HDAC9: variants seen among roughly 807,000 people sequenced by gnomAD.
HDAC9 encodes the protein histone deacetylase 9, also known as MEF-2 interacting transcription repressor (MITR) protein.
In HDAC9, 41 loss-of-function variants were observed where a neutral mutation model predicts 139.4. The observed-to-expected ratio is 0.29, with a 90% CI of 0.23 to 0.38. The LOEUF (loss-of-function observed/expected upper bound fraction) is 0.38, where lower values mean the gene tolerates loss of function less well. Ranked by LOEUF, HDAC9 falls within the 10% of genes least tolerant of loss-of-function variation. The pLI, the probability that HDAC9 is intolerant of heterozygous loss-of-function variation, is 1.00. For synonymous variants in HDAC9, 517 were observed against 476.2 expected, an observed-to-expected ratio of 1.09 and a Z score of -1.12; for missense variants, 1,147 against 1,297.0, an observed-to-expected ratio of 0.88 and a Z score of 1.78.
chr7:18,852,512 A>G (rs1434627308), intron 21 of HDAC9, among the ~76,000 whole-genome samples: 1 of 151,810 alleles, frequency 6.6e-6, no homozygotes, highest in Non-Finnish European at 1.5e-5. Context: ...GCAAAAATTC[A>G]AAAATAGGTA....
chr7:18,609,072 A>G (rs1358285157), intron 6 of HDAC9, among the ~76,000 whole-genome samples: 2 of 152,184 alleles, frequency 1.3e-5, no homozygotes, highest in Middle Eastern at 3.2e-3. Context: ...TAATGTCATT[A>G]TATATATTTT....
rs1331580156 is a variant in HDAC9, at chr7:18,962,866, T to A, written c.3022+8636T>A. Among the ~76,000 whole-genome samples, 3 of 152,308 alleles carry A rather than the reference T, an allele frequency of 2.0e-5. No homozygotes were observed. The East Asian group carries it at 5.8e-4, about 29-fold the overall frequency. Reference sequence around the variant, plus strand: ...TTTTGTTCATGAATAACTTGAGACTTATCAAGTTTAGGTAGCTTGTTCAAG... The same window carrying A: ...TTTTGTTCATGAATAACTTGAGACTAATCAAGTTTAGGTAGCTTGTTCAAG... On this transcript the variant is annotated intron_variant, in intron 24 of 25. Transcript: ENST00000686413.
chr7:18,545,119 C>T (rs149231207), intron 2 of HDAC9, among the ~76,000 whole-genome samples: 2 of 152,272 alleles, frequency 1.3e-5, no homozygotes, highest in East Asian at 1.9e-4. Flanking sequence ...CTGCACTAAA[C>T]GTATGGTTCC....
At chr7:18,127,764 T>G (rs1042260440) in intron 1 of HDAC9, among the ~76,000 whole-genome samples, 1 of 152,154 alleles carries the variant, frequency 6.6e-6, no homozygotes, top group African/African-American at 2.4e-5. Context: ...TTAGTTATTC[T>G]GATAGGGTAT....
intron 12 of HDAC9, among the ~76,000 whole-genome samples, chr7:18,720,804 C>T (rs906376870): frequency 6.6e-6 from 1 of 151,864 alleles, no homozygotes; most frequent in African/African-American, 2.4e-5. Flanking sequence ...ACCTCAGCCT[C>T]CTGGGACTAC....
At chr7:18,937,500 C>T (rs2129311644) in intron 23 of HDAC9, among the ~76,000 whole-genome samples, 1 of 152,230 alleles carries the variant, frequency 6.6e-6, no homozygotes, top group South Asian at 2.1e-4. Context: ...TAATGTCAAA[C>T]AGGATGTTGA....
intron 2 of HDAC9, among the ~76,000 whole-genome samples, chr7:18,525,245 A>G (rs2128223734): frequency 6.6e-6 from 1 of 152,272 alleles, no homozygotes; most frequent in Non-Finnish European, 1.5e-5. Flanking sequence ...TGACTTGGAT[A>G]GAGACCAGAT....
intron 1 of HDAC9, among the ~76,000 whole-genome samples, chr7:18,149,909 C>A (rs1239165507): frequency 6.6e-6 from 1 of 151,622 alleles, no homozygotes; most frequent in East Asian, 1.9e-4. Context: ...TTTGCCCAGG[C>A]TGATCTTGAA....
chr7:18,878,569 A>G (rs1187821978), intron 22 of HDAC9, among the ~76,000 whole-genome samples: 6 of 152,186 alleles, frequency 3.9e-5, no homozygotes, highest in Admixed American at 1.3e-4. Context: ...ACACATGAGT[A>G]TCTCAATAGA....
At chr7:18,375,071 T>G (rs1182557270) in intron 1 of HDAC9, among the ~76,000 whole-genome samples, 1 of 152,200 alleles carries the variant, frequency 6.6e-6, no homozygotes, top group African/African-American at 2.4e-5. Context: ...TATTTTAAAA[T>G]GTGGTTATGT....
At chr7:18,819,181 G>A (rs1234653165) in intron 17 of HDAC9, among the ~76,000 whole-genome samples, 1 of 152,182 alleles carries the variant, frequency 6.6e-6, no homozygotes, top group Non-Finnish European at 1.5e-5. Context: ...TCAGGTGGCT[G>A]AGGCAGGAGA....
At chr7:18,198,754 T>A (rs1790897958) in intron 2 of HDAC9, among the ~76,000 whole-genome samples, 1 of 152,286 alleles carries the variant, frequency 6.6e-6, no homozygotes, top group East Asian at 1.9e-4. Context: ...AACTCTATTT[T>A]AAAAATGTGC....
chr7:18,330,009 C>CAT (rs76871354), intron 1 of HDAC9, among the ~76,000 whole-genome samples: 150,763 of 151,582 alleles, frequency 0.99, 74,980 homozygotes, highest in Middle Eastern at 1. Flanking sequence ...GTGTGTGTTC[C>CAT]GTGTGTGAGA....
intron 2 of HDAC9, among the ~76,000 whole-genome samples, chr7:18,199,621 C>G (rs139332052): frequency 6.6e-6 from 1 of 151,566 alleles, no homozygotes; most frequent in African/African-American, 2.4e-5. Flanking sequence ...CCTGTCTTTA[C>G]AAGACATAAA....
chr7:18,156,401 G>A (rs1259364052), intron 1 of HDAC9, among the ~76,000 whole-genome samples: 1 of 152,172 alleles, frequency 6.6e-6, no homozygotes, highest in African/African-American at 2.4e-5. Flanking sequence ...CTAGATGGTG[G>A]CCCATCTCAA....
chr7:18,230,874 A>C (rs1793412508), intron 2 of HDAC9, among the ~76,000 whole-genome samples: 1 of 152,238 alleles, frequency 6.6e-6, no homozygotes, highest in South Asian at 2.1e-4. Flanking sequence ...TAGAGACTCC[A>C]TAACTACAGG....
chr7:18,616,938 G>C (rs1838772736), intron 6 of HDAC9, among the ~76,000 whole-genome samples: 1 of 152,162 alleles, frequency 6.6e-6, no homozygotes, highest in South Asian at 2.1e-4. Context: ...ACAGTAATTA[G>C]ACGTTTAAAA....
At chr7:18,771,631 T>A (rs1242150428) in intron 16 of HDAC9, among the ~76,000 whole-genome samples, 1 of 152,044 alleles carries the variant, frequency 6.6e-6, no homozygotes, top group Non-Finnish European at 1.5e-5. Context: ...TTACACCACA[T>A]GTGTATCTTC....
chr7:18,170,410 AAT>A (rs1338167136), intron 2 of HDAC9, among the ~76,000 whole-genome samples: 1 of 151,894 alleles, frequency 6.6e-6, no homozygotes, highest in Non-Finnish European at 1.5e-5. Context: ...TCACTCTGAT[AAT>A]AGTTTCTTTT....
Sources: allele counts gnomAD v4.1 joint callset (sites outside exome capture counted in the v4.1 genomes callset), GRCh38; gene constraint gnomAD v4.1.1; transcripts MANE v1.5; gene names NCBI Gene and HGNC (gene_info 2026-07-23, HGNC 2026-07-21).